The following VWC2L variants were observed in gnomAD, a reference collection of about 807,000 sequenced individuals.
VWC2L encodes the protein von Willebrand factor C domain containing 2 like, also known as von Willebrand factor C domain-containing protein 2-like.
A neutral mutation model predicts 21.6 loss-of-function variants in VWC2L; 10 were observed. The ratio of observed to expected loss-of-function variants is 0.46; its 90% CI spans 0.29 to 0.78. The LOEUF is 0.78. VWC2L is among the 30% of genes least tolerant of loss of function. The pLI, the probability that VWC2L is intolerant of heterozygous loss-of-function variation, is 0.10. For missense variants in VWC2L, 209 were observed against 277.1 expected, an observed-to-expected ratio of 0.75 and a Z score of 1.74; for synonymous variants, 96 against 94.3, an observed-to-expected ratio of 1.02 and a Z score of -0.10.
intron 2 of VWC2L, among the ~76,000 whole-genome samples, chr2:214,435,948 T>A (rs1702672703): frequency 6.6e-6 from 1 of 152,178 alleles, no homozygotes; most frequent in African/African-American, 2.4e-5. Flanking sequence ...AATTATCATT[T>A]TTAGTTCCAT....
At chr2:214,444,739 T>C (rs1413521545) in intron 3 of VWC2L, among the ~76,000 whole-genome samples, 2 of 152,008 alleles carry the variant, frequency 1.3e-5, no homozygotes, top group Non-Finnish European at 2.9e-5. Context: ...TGTATTACAA[T>C]TTAGTACACA....
intron 3 of VWC2L, among the ~76,000 whole-genome samples, chr2:214,563,330 G>A (rs930213082): frequency 2.1e-4 from 32 of 151,838 alleles, no homozygotes; most frequent in Admixed American, 1.7e-3. Flanking sequence ...GGTGGATCAC[G>A]AGGTCAGGAG....
intron 3 of VWC2L, among the ~76,000 whole-genome samples, chr2:214,490,474 G>A (rs1199538878): frequency 6.6e-6 from 1 of 152,064 alleles, no homozygotes; most frequent in Admixed American, 6.6e-5. Context: ...CATATAGATG[G>A]GAAGGGAGAG....
rs1239394534 is a variant in VWC2L at position 214,434,501 on chromosome 2, A to T, written c.391-2128A>T. ...AGGAGCATCAGTACACAGAATGGTG[A>T]TTCTTGTTACCAAGTGGCAGTCCAT... On this transcript the variant is annotated intron_variant, in intron 2 of 3. Transcript: ENST00000312504. Among the ~76,000 whole-genome samples, 5 of 152,316 alleles carry T rather than the reference A, an allele frequency of 3.3e-5. No individual in the cohort carries two copies. In the East Asian group the frequency reaches 9.7e-4, roughly 29 times the overall value.
chr2:214,494,326 G>A (rs1426558133), intron 3 of VWC2L, among the ~76,000 whole-genome samples: 2 of 152,292 alleles, frequency 1.3e-5, no homozygotes, highest in African/African-American at 4.8e-5. Flanking sequence ...GATTTGGAAT[G>A]TTTTTAGCAA....
At chr2:214,443,828 T>C (rs1702798428) in intron 3 of VWC2L, among the ~76,000 whole-genome samples, 1 of 152,054 alleles carries the variant, frequency 6.6e-6, no homozygotes, top group South Asian at 2.1e-4. Flanking sequence ...ACATACATAC[T>C]AGCTAATGTA....
rs67223012 is a variant in VWC2L, at chr2:214,561,784, TTATATATA to T, written c.521-13869_521-13862del. On this transcript the variant is annotated intron_variant, in intron 3 of 3. Coordinates refer to ENST00000312504, the MANE Select transcript of VWC2L (RefSeq NM_001080500.4). ...GAGTAATACCTTATCTCAAAAAAAA[TTATATATA>T]TATATATATATATATATACACACAC... Among the ~76,000 whole-genome samples, 10 of 128,682 alleles carry T rather than the reference TTATATATA, an allele frequency of 7.8e-5. No homozygotes were observed. In the South Asian group the frequency reaches 1.1e-3, roughly 15 times the overall value. The allele number at this position is 128,682 out of a possible 152,430, so 84.4% of individuals were successfully genotyped here.
chr2:214,438,594 C>T (rs962542109), intron 3 of VWC2L, among the ~76,000 whole-genome samples: 4 of 152,028 alleles, frequency 2.6e-5, no homozygotes, highest in African/African-American at 9.7e-5. Flanking sequence ...ACAGTTTTTA[C>T]ACATGCATCT....
chr2:214,529,342 T>C (rs1303056042), intron 3 of VWC2L, among the ~76,000 whole-genome samples: 1 of 152,152 alleles, frequency 6.6e-6, no homozygotes, highest in African/African-American at 2.4e-5. Context: ...GTGCCCTGAC[T>C]CCAGGGCAAG....
At position 214,454,083 on chromosome 2, in the gene VWC2L, T is replaced by C. The variant is rs549941247; in HGVS notation, c.520+17325T>C. Among the ~76,000 whole-genome samples, 9 of 152,266 alleles carry C rather than the reference T, an allele frequency of 5.9e-5. No homozygotes were observed. The East Asian group carries it at 1.7e-3, about 29-fold the overall frequency. ...ATTTTCTGACTATTTGATACTAGTA[T>C]ATAGAAATAGAATTGATATTTATAT... is the stretch of plus-strand genomic sequence containing the variant. On this transcript the variant is annotated intron_variant, in intron 3 of 3. Transcript: ENST00000312504.
At chr2:214,446,719 C>G (rs532473875) in intron 3 of VWC2L, among the ~76,000 whole-genome samples, 7 of 152,106 alleles carry the variant, frequency 4.6e-5, no homozygotes, top group Non-Finnish European at 8.8e-5. Flanking sequence ...CCAGTCCCCC[C>G]ACAAAACATA....
At chr2:214,487,573 G>C (rs1386256101) in intron 3 of VWC2L, among the ~76,000 whole-genome samples, 1 of 152,156 alleles carries the variant, frequency 6.6e-6, no homozygotes, top group Non-Finnish European at 1.5e-5. Context: ...GTCAGGTAAG[G>C]CATTCAAGAG....
intron 3 of VWC2L, among the ~76,000 whole-genome samples, chr2:214,478,451 C>T (rs1688556542): frequency 6.6e-6 from 1 of 151,458 alleles, no homozygotes; most frequent in African/African-American, 2.4e-5. Flanking sequence ...TGCACTCTAG[C>T]CTGGGCAACT....
chr2:214,560,934 A>G (rs1450724573), intron 3 of VWC2L, among the ~76,000 whole-genome samples: 1 of 152,228 alleles, frequency 6.6e-6, no homozygotes, highest in Non-Finnish European at 1.5e-5. Context: ...ACCCTTTGCT[A>G]AAAGTCTGTT....
At chr2:214,487,889 AAAATATCTCAT>A (rs1409360235) in intron 3 of VWC2L, among the ~76,000 whole-genome samples, 1 of 152,204 alleles carries the variant, frequency 6.6e-6, no homozygotes, top group Non-Finnish European at 1.5e-5. Flanking sequence ...AGAAACACGG[AAAATATCTCAT>A]AAACCAAACA....
chr2:214,528,706 A>C (rs1559319986), intron 3 of VWC2L, among the ~76,000 whole-genome samples: 7 of 152,184 alleles, frequency 4.6e-5, no homozygotes, highest in Admixed American at 3.9e-4. Flanking sequence ...GTGATGTCAA[A>C]AAATAACAAC....
At chr2:214,567,595 CAGAG>C (rs10528003) in intron 3 of VWC2L, among the ~76,000 whole-genome samples, 14 of 135,402 alleles carry the variant, frequency 1.0e-4, no homozygotes, top group African/African-American at 3.1e-4. Flanking sequence ...CACACACACA[CAGAG>C]AGAGAGAGAG....
At chr2:214,455,185 C>T (rs1289689773) in intron 3 of VWC2L, among the ~76,000 whole-genome samples, 1 of 152,072 alleles carries the variant, frequency 6.6e-6, no homozygotes, top group African/African-American at 2.4e-5. Context: ...TGATAGAATT[C>T]ACCAATGACC....
At chr2:214,505,154 G>A (rs761336813) in intron 3 of VWC2L, among the ~76,000 whole-genome samples, 20 of 152,110 alleles carry the variant, frequency 1.3e-4, no homozygotes, top group Non-Finnish European at 2.5e-4. Flanking sequence ...AAGTAGCCCC[G>A]GCCATATGCA....
Sources: allele counts gnomAD v4.1 joint callset (sites outside exome capture counted in the v4.1 genomes callset), GRCh38; gene constraint gnomAD v4.1.1; transcripts MANE v1.5; gene names NCBI Gene and HGNC (gene_info 2026-07-23, HGNC 2026-07-21).